Variants in CNTN5 observed in about 807,000 individuals in gnomAD.
CNTN5 encodes the protein contactin-5.
In CNTN5, 77 loss-of-function variants were observed where a neutral mutation model predicts 129.1. The observed-to-expected ratio is 0.60, with a 90% confidence interval of 0.50 to 0.72. The LOEUF (loss-of-function observed/expected upper bound fraction) is 0.72, where lower values mean the gene tolerates loss of function less well. Ranked by LOEUF, CNTN5 falls within the 30% of genes least tolerant of loss-of-function variation. The pLI, the probability that CNTN5 is intolerant of heterozygous loss-of-function variation, is 0.00. For synonymous variants in CNTN5, 509 were observed against 465.6 expected (o/e 1.09, Z -1.20); for missense variants, 1,478 against 1,328.8 (o/e 1.11, Z -1.75).
At chr11:99,704,628 T>C (rs908954156) in intron 3 of CNTN5, among the ~76,000 whole-genome samples, 2 of 151,212 alleles carry the variant, frequency 1.3e-5, no homozygotes, top group African/African-American at 4.8e-5. Context: ...ATATTAATCA[T>C]GAAATGTTTA....
In CNTN5 at chr11:99,178,742, T is replaced by G. The variant is rs181696923; in HGVS notation, c.-209-146604T>G. Among the ~76,000 whole-genome samples the G allele has an allele frequency of 6.0e-3, 917 of 152,270 alleles. 5 individuals carry two copies. The highest frequency in any genetic ancestry group is 0.014 in the Middle Eastern group (4 of 294). On this transcript the variant is annotated intron_variant, in intron 1 of 24. Transcript: ENST00000524871. ...ATTTACCTTTTTGTGACTAATTTCATTCATCTATAAAATGGGTATTATGAG... is the reference window on the plus strand; with the variant it reads ...ATTTACCTTTTTGTGACTAATTTCAGTCATCTATAAAATGGGTATTATGAG...
intron 21 of CNTN5, among the ~76,000 whole-genome samples, chr11:100,318,877 T>C (rs1951621644): frequency 6.6e-6 from 1 of 152,200 alleles, no homozygotes; most frequent in Non-Finnish European, 1.5e-5. Flanking sequence ...TAATTGCTAA[T>C]TGACTAAATG....
intron 13 of CNTN5, among the ~76,000 whole-genome samples, chr11:100,085,782 C>T (rs1409219997): frequency 1.3e-5 from 2 of 151,994 alleles, no homozygotes; most frequent in African/African-American, 2.4e-5. Context: ...AAAATGAGAG[C>T]GTCCTAATTC....
chr11:99,961,207 A>G (rs1364158456), intron 8 of CNTN5, among the ~76,000 whole-genome samples: 1 of 6,954 alleles, frequency 1.4e-4, no homozygotes, highest in African/African-American at 1.1e-3. Context: ...TCCGTCTCAG[A>G]AAAAAAAAAA....
At chr11:99,037,155 CA>C (rs1222310344) in intron 1 of CNTN5, among the ~76,000 whole-genome samples, 1 of 152,178 alleles carries the variant, frequency 6.6e-6, no homozygotes, top group Non-Finnish European at 1.5e-5. Flanking sequence ...CCTGTTTTCT[CA>C]TATTCAAAGT....
intron 3 of CNTN5, among the ~76,000 whole-genome samples, chr11:99,754,308 A>G (rs749716769): frequency 1.5e-4 from 23 of 152,342 alleles, no homozygotes; most frequent in Middle Eastern, 3.4e-3. Flanking sequence ...TTTCTGTCTT[A>G]AAAGCTCCTT....
chr11:100,086,765 T>C (rs1160002984), intron 13 of CNTN5, among the ~76,000 whole-genome samples: 1 of 151,392 alleles, frequency 6.6e-6, no homozygotes, highest in Admixed American at 6.6e-5. Flanking sequence ...CCAAAACTTG[T>C]TTAACTATAT....
At chr11:100,220,923 A>C (rs903901910) in intron 15 of CNTN5, among the ~76,000 whole-genome samples, 1 of 152,238 alleles carries the variant, frequency 6.6e-6, no homozygotes, top group Non-Finnish European at 1.5e-5. Flanking sequence ...ATTGTCAGCT[A>C]CACACAGGAA....
intron 3 of CNTN5, among the ~76,000 whole-genome samples, chr11:99,600,220 T>A (rs1950271764): frequency 6.6e-6 from 1 of 150,814 alleles, no homozygotes; most frequent in African/African-American, 2.4e-5. Flanking sequence ...ATGTACTCCA[T>A]AAATTTGCAC....
chr11:100,063,841 A>G (rs1943587232), intron 10 of CNTN5, among the ~76,000 whole-genome samples: 1 of 152,090 alleles, frequency 6.6e-6, no homozygotes, highest in African/African-American at 2.4e-5. Flanking sequence ...GAACCATTAT[A>G]GTGCCTCTGT....
chr11:99,597,329 C>T (rs531983140), intron 3 of CNTN5, among the ~76,000 whole-genome samples: 165 of 152,192 alleles, frequency 1.1e-3, no homozygotes, highest in Non-Finnish European at 1.6e-3. Flanking sequence ...TTCAGTCCAC[C>T]TTTGTATGCT....
intron 1 of CNTN5, among the ~76,000 whole-genome samples, chr11:99,060,316 CA>C (rs1864820681): frequency 1.3e-5 from 2 of 152,144 alleles, no homozygotes; most frequent in African/African-American, 4.8e-5. Context: ...TGGAAATATT[CA>C]AGCTAAGAAA....
intron 1 of CNTN5, among the ~76,000 whole-genome samples, chr11:99,291,457 C>A (rs1438614622): frequency 6.6e-6 from 1 of 151,814 alleles, no homozygotes; most frequent in East Asian, 1.9e-4. Flanking sequence ...TCTTTTCTAA[C>A]TACCTTTGGC....
At chr11:99,048,705 GA>G (rs1864310701) in intron 1 of CNTN5, among the ~76,000 whole-genome samples, 1 of 152,098 alleles carries the variant, frequency 6.6e-6, no homozygotes, top group East Asian at 1.9e-4. Context: ...GCCAGTTTCT[GA>G]CTAATGAGGG....
At chr11:99,930,445 G>A (rs1189118444) in intron 7 of CNTN5, among the ~76,000 whole-genome samples, 1 of 152,060 alleles carries the variant, frequency 6.6e-6, no homozygotes, top group Admixed American at 6.6e-5. Flanking sequence ...CTATGTGTTA[G>A]GAAATGTTCC....
chr11:100,307,828 C>G (rs1224082263), intron 20 of CNTN5, among the ~76,000 whole-genome samples: 2 of 151,464 alleles, frequency 1.3e-5, no homozygotes, highest in Admixed American at 6.6e-5. Flanking sequence ...TAACGCCAAG[C>G]ACAGTACTAA....
At chr11:99,889,319 TGTGTG>T (rs1565642618) in intron 6 of CNTN5, among the ~76,000 whole-genome samples, 43 of 145,386 alleles carry the variant, frequency 3.0e-4, no homozygotes, top group African/African-American at 1.0e-3. Context: ...TGTGTGTGTG[TGTGTG>T]TGTGTGTGTG....
chr11:99,973,167 A>G (rs997566745), intron 8 of CNTN5, among the ~76,000 whole-genome samples: 2 of 152,140 alleles, frequency 1.3e-5, no homozygotes, highest in African/African-American at 4.8e-5. Context: ...TGGAGAATGC[A>G]GGTAATTCTG....
At chr11:99,730,919 A>G (rs116625203) in intron 3 of CNTN5, among the ~76,000 whole-genome samples, 4,214 of 152,200 alleles carry the variant, frequency 0.028, 77 homozygotes, top group African/African-American at 0.05. Context: ...GCATGTACCC[A>G]TTAACCAACC....
Sources: gnomAD v4.1 joint callset for allele counts (sites outside exome capture counted in the v4.1 genomes callset) on GRCh38, gnomAD v4.1.1 for gene constraint, MANE v1.5 for transcripts, NCBI Gene and HGNC (gene_info 2026-07-23, HGNC 2026-07-21) for gene names.